NBAS: variants seen among roughly 807,000 people sequenced by gnomAD.
NBAS encodes NAG/BC035112 fusion.
Under a neutral mutation model 302.5 loss-of-function variants are expected in NBAS, and 219 were observed. The observed-to-expected ratio is 0.72, with a 90% CI of 0.65 to 0.81. The LOEUF is 0.81. Ranked by LOEUF, NBAS falls within the 30% of genes least tolerant of loss-of-function variation. The pLI, the probability that NBAS is intolerant of heterozygous loss-of-function variation, is 0.00. For missense variants in NBAS, 2,932 were observed against 2,841.6 expected (o/e 1.03, Z -0.72); for synonymous variants, 1,118 against 1,021.6 (o/e 1.09, Z -1.80).
At chr2:15,026,894 C>T in the NBAS span, among the ~76,000 whole-genome samples, 3 of 152,126 alleles carry the variant, frequency 2.0e-5, no homozygotes, top group Non-Finnish European at 4.4e-5. Context: ...AGCTTCGTTT[C>T]TTAAATACTA....
chr2:14,794,070 G>C, the NBAS span, among the ~76,000 whole-genome samples: 1 of 152,074 alleles, frequency 6.6e-6, no homozygotes, highest in Non-Finnish European at 1.5e-5. Context: ...TCTTCAAACA[G>C]AAAGAAATGA....
the NBAS span, among the ~76,000 whole-genome samples, chr2:15,050,539 T>C: frequency 6.6e-6 from 1 of 152,348 alleles, no homozygotes; most frequent in Admixed American, 6.5e-5. Flanking sequence ...GGGATACTGA[T>C]GACTCGGCTC....
chr2:15,232,255 G>A (rs1163794202), intron 47 of NBAS, among the ~76,000 whole-genome samples, 167 bp downstream of exon 47: 1 of 152,082 alleles, frequency 6.6e-6, no homozygotes, highest in African/African-American at 2.4e-5. Context: ...GAGCTGGTGG[G>A]GTCAGCACAG....
downstream of NBAS, among the ~76,000 whole-genome samples, chr2:15,165,701 G>A (rs551872342): frequency 1.3e-4 from 20 of 152,132 alleles, no homozygotes; most frequent in African/African-American, 2.7e-4. Context: ...TGGAGATGAG[G>A]CTGCCCAATA....
the NBAS span, among the ~76,000 whole-genome samples, chr2:14,990,398 T>C: frequency 3.0e-4 from 46 of 151,718 alleles, no homozygotes; most frequent in African/African-American, 1.1e-3. Context: ...CACTCCAGCC[T>C]GGGCAACAGA....
intron 25 of NBAS, among the ~76,000 whole-genome samples, chr2:15,413,582 G>T (rs1676784859): frequency 6.6e-6 from 1 of 152,166 alleles, no homozygotes; most frequent in African/African-American, 2.4e-5. Flanking sequence ...CACACGGAGG[G>T]CCATGAGTGA....
chr2:15,104,950 C>T, the NBAS span, among the ~76,000 whole-genome samples: 4 of 151,604 alleles, frequency 2.6e-5, no homozygotes, highest in African/African-American at 4.9e-5. Context: ...AGATAGTAGC[C>T]CCACACATAT....
At chr2:15,078,606 G>T in the NBAS span, among the ~76,000 whole-genome samples, 1 of 152,114 alleles carries the variant, frequency 6.6e-6, no homozygotes, top group Non-Finnish European at 1.5e-5. Context: ...TGTCTTCTGG[G>T]GAAAAGGACC....
chr2:15,538,422 C>G (rs1181678511), intron 7 of NBAS: 1 of 382,020 alleles, frequency 2.6e-6, no homozygotes, highest in Non-Finnish European at 5.3e-6. Flanking sequence ...ACCCTAGCTT[C>G]TCACTAGAAT....
chr2:14,802,040 G>T, the NBAS span, among the ~76,000 whole-genome samples: 2 of 147,362 alleles, frequency 1.4e-5, no homozygotes, highest in African/African-American at 5.1e-5. Flanking sequence ...GATCCCATTT[G>T]TCAATTTTGG....
intron 33 of NBAS, among the ~76,000 whole-genome samples, chr2:15,355,920 T>C (rs905822677): frequency 4.6e-5 from 7 of 152,096 alleles, no homozygotes; most frequent in African/African-American, 7.2e-5. Flanking sequence ...TAATACACTA[T>C]CTTTAAAAAA....
At chr2:15,428,589 G>T (rs895480041) in intron 21 of NBAS, among the ~76,000 whole-genome samples, 6 of 152,032 alleles carry the variant, frequency 3.9e-5, no homozygotes, top group Admixed American at 1.3e-4. Flanking sequence ...AATTATCCAG[G>T]TGTGGTGGTG....
intron 35 of NBAS, among the ~76,000 whole-genome samples, chr2:15,346,247 A>G (rs1042616066): frequency 2.0e-5 from 3 of 152,184 alleles, no homozygotes. Flanking sequence ...AAATTTTTGT[A>G]ATCTACCCAT....
At chr2:15,223,463 T>C (rs897000211) in intron 47 of NBAS, among the ~76,000 whole-genome samples, 7 of 152,324 alleles carry the variant, frequency 4.6e-5, no homozygotes, top group African/African-American at 1.7e-4. Flanking sequence ...ATTTCTCATC[T>C]TTTATGAAAG....
At chr2:14,870,139 T>C in the NBAS span, among the ~76,000 whole-genome samples, 1 of 152,158 alleles carries the variant, frequency 6.6e-6, no homozygotes, top group African/African-American at 2.4e-5. Context: ...ATTCCTTCAG[T>C]TTACTGCCTC....
chr2:14,978,758 C>A, the NBAS span, among the ~76,000 whole-genome samples: 1 of 152,150 alleles, frequency 6.6e-6, no homozygotes, highest in Non-Finnish European at 1.5e-5. Context: ...CCATTCACAC[C>A]TTTTCCATTG....
chr2:15,167,404 GC>G (rs1342623292), intron 51 of NBAS, 81 bp from the exon 52 acceptor site: 2 of 1,536,954 alleles, frequency 1.3e-6, no homozygotes, highest in Admixed American at 3.6e-5. Context: ...TCTCCACTGG[GC>G]TGCCTTCATC....
chr2:15,141,680 ATTTTG>A, the NBAS span, among the ~76,000 whole-genome samples: 83,000 of 151,268 alleles, frequency 0.55, 26,308 homozygotes, highest in African/African-American at 0.87. Flanking sequence ...AGCAAAATCA[ATTTTG>A]TTTTGTTTTG....
rs1202502059 is a variant in NBAS, at chr2:15,473,249, G to C, written c.1698C>G (p.Val566=). 3.7e-6 allele frequency: 6 copies of C among 1,614,032 alleles called. No homozygotes were observed. The East Asian group carries it at 1.3e-4, about 36-fold the overall frequency. The part of the protein sequence containing the change: ...VYQRQWRKSA[V]NVASIQNYLS... The stretch of plus-strand genomic sequence containing the variant: ...AATAATTCTGAATTGAAGCAACGTT[G>C]ACCGCTGACTTCCTCCACTGCCTCT... Residue 566 remains valine (V), a synonymous_variant, in exon 16 of 52, where the codon GTC becomes GTG. Coordinates refer to ENST00000281513, the MANE Select transcript of NBAS (RefSeq NM_015909.4).
Sources: gnomAD v4.1 joint callset for allele counts (sites outside exome capture counted in the v4.1 genomes callset) on GRCh38, gnomAD v4.1.1 for gene constraint, MANE v1.5 for transcripts, NCBI Gene and HGNC (gene_info 2026-07-23, HGNC 2026-07-21) for gene names.